MALRD1: variants seen among roughly 807,000 people sequenced by gnomAD.
The protein encoded by MALRD1 is MAM and LDL receptor class A domain containing 1, also known as MAM and LDL-receptor class A domain-containing protein 1.
Under a neutral mutation model 242.1 loss-of-function variants are expected in MALRD1, and 247 were observed. The observed-to-expected ratio is 1.02, with a 90% CI of 0.92 to 1.13. The LOEUF (loss-of-function observed/expected upper bound fraction) is 1.13, where lower values mean the gene tolerates loss of function less well. Ranked by LOEUF, MALRD1 falls within the 50% of genes most tolerant of loss-of-function variation. The pLI, the probability that MALRD1 is intolerant of heterozygous loss-of-function variation, is 0.00. For missense variants in MALRD1, 2,989 were observed against 2,533.1 expected, an observed-to-expected ratio of 1.18 and a Z score of -3.86; for synonymous variants, 995 against 866.6, an observed-to-expected ratio of 1.15 and a Z score of -2.60.
chr10:19,545,631 C>A (rs1049051116), intron 32 of MALRD1, among the ~76,000 whole-genome samples: 14 of 123,794 alleles, frequency 1.1e-4, no homozygotes. Context: ...TCTTTTTATT[C>A]CCTGGAATCC....
chr10:19,072,666 A>C (rs1294025186), intron 2 of MALRD1, among the ~76,000 whole-genome samples: 2 of 152,114 alleles, frequency 1.3e-5, no homozygotes, highest in South Asian at 4.1e-4. Flanking sequence ...TTATAATCTT[A>C]ATTTTAGTGC....
At chr10:19,518,791 G>A (rs1366864913) in intron 31 of MALRD1, among the ~76,000 whole-genome samples, 1 of 151,988 alleles carries the variant, frequency 6.6e-6, no homozygotes, top group Admixed American at 6.6e-5. Context: ...ACAAACTTTG[G>A]CTTACTACAT....
intron 2 of MALRD1, among the ~76,000 whole-genome samples, chr10:19,077,418 C>A (rs4604782): frequency 0.077 from 11,695 of 151,866 alleles, 777 homozygotes; most frequent in East Asian, 0.28. Flanking sequence ...ACACCCATTT[C>A]AGGCCAAGGC....
intron 33 of MALRD1, among the ~76,000 whole-genome samples, chr10:19,574,615 G>C (rs189362292): frequency 6.6e-6 from 1 of 152,184 alleles, no homozygotes; most frequent in Admixed American, 6.5e-5. Context: ...GGAGAGCTTG[G>C]TCTAAACTAT....
chr10:19,323,650 C>T (rs1012268098), intron 21 of MALRD1, among the ~76,000 whole-genome samples: 17 of 152,096 alleles, frequency 1.1e-4, no homozygotes, highest in African/African-American at 3.9e-4. Flanking sequence ...CTCTAGTTGC[C>T]CAGACGGGAG....
chr10:19,083,581 A>G (rs959591127), intron 2 of MALRD1, among the ~76,000 whole-genome samples: 1 of 151,976 alleles, frequency 6.6e-6, no homozygotes, highest in South Asian at 2.1e-4. Context: ...AGCTATTATT[A>G]TGTCAATTTC....
chr10:19,440,477 A>G (rs1185399267), intron 28 of MALRD1, among the ~76,000 whole-genome samples: 1 of 152,030 alleles, frequency 6.6e-6, no homozygotes, highest in African/African-American at 2.4e-5. Context: ...TATTTCTCCT[A>G]ATACTATCCC....
chr10:19,661,384 C>A (rs1452478828), intron 36 of MALRD1, among the ~76,000 whole-genome samples: 3 of 152,074 alleles, frequency 2.0e-5, no homozygotes, highest in African/African-American at 7.2e-5. Flanking sequence ...TGGAACCAAC[C>A]CAAATGTCCA....
chr10:19,365,050 A>G (rs1845049376), intron 26 of MALRD1, among the ~76,000 whole-genome samples: 2 of 152,156 alleles, frequency 1.3e-5, no homozygotes, highest in Admixed American at 6.6e-5. Flanking sequence ...TCTAAAAAGA[A>G]TGTCATTTAA....
chr10:19,697,191 A>C (rs1833419078), intron 38 of MALRD1, among the ~76,000 whole-genome samples: 1 of 152,114 alleles, frequency 6.6e-6, no homozygotes, highest in Non-Finnish European at 1.5e-5. Context: ...TGTCTCATGC[A>C]ATTGTGGGGA....
chr10:19,671,812 TG>T (rs778317728), intron 36 of MALRD1, among the ~76,000 whole-genome samples: 16 of 152,270 alleles, frequency 1.1e-4, no homozygotes, highest in Admixed American at 7.9e-4. Flanking sequence ...GCTCTGTAGA[TG>T]GGATGGGGCA....
intron 34 of MALRD1, chr10:19,598,558 AGAG>A (rs754796631): frequency 1.3e-5 from 2 of 152,032 alleles, no homozygotes; most frequent in Non-Finnish European, 2.9e-5. Flanking sequence ...AGGGAAAGTA[AGAG>A]GAGAAGAACA....
chr10:19,150,568 A>G (rs937600379), intron 11 of MALRD1, among the ~76,000 whole-genome samples: 2 of 152,156 alleles, frequency 1.3e-5, no homozygotes, highest in East Asian at 1.9e-4. Flanking sequence ...CCCTCTGCAC[A>G]GGCACCTGGA....
At chr10:19,692,862 T>A (rs1238708698) in intron 38 of MALRD1, among the ~76,000 whole-genome samples, 4 of 82,192 alleles carry the variant, frequency 4.9e-5, no homozygotes, top group Non-Finnish European at 9.3e-5. Flanking sequence ...TATATATAGA[T>A]GAAATTATAT....
intron 29 of MALRD1, among the ~76,000 whole-genome samples, chr10:19,465,946 G>C (rs1212058304): frequency 6.6e-6 from 1 of 152,000 alleles, no homozygotes; most frequent in Non-Finnish European, 1.5e-5. Flanking sequence ...GAAATAATTT[G>C]TCAATTTCTT....
At chr10:19,286,356 T>C (rs1841117881) in intron 21 of MALRD1, among the ~76,000 whole-genome samples, 1 of 148,998 alleles carries the variant, frequency 6.7e-6, no homozygotes, top group Admixed American at 6.8e-5. Flanking sequence ...ATGCTTCCAG[T>C]TTTTGCCCAT....
chr10:19,533,379 A>G (rs1330898000), intron 32 of MALRD1, among the ~76,000 whole-genome samples: 2 of 152,206 alleles, frequency 1.3e-5, no homozygotes, highest in African/African-American at 4.8e-5. Flanking sequence ...GTCTACTAGA[A>G]AGAATGGTGG....
intron 38 of MALRD1, among the ~76,000 whole-genome samples, chr10:19,730,026 C>A (rs1286933810): frequency 6.6e-6 from 1 of 152,122 alleles, no homozygotes; most frequent in Non-Finnish European, 1.5e-5. Flanking sequence ...CGTGAGCCAC[C>A]ACGCCCGGCC....
intron 19 of MALRD1, among the ~76,000 whole-genome samples, chr10:19,264,224 T>G (rs1383638986): frequency 6.6e-6 from 1 of 152,188 alleles, no homozygotes; most frequent in Non-Finnish European, 1.5e-5. Context: ...GTTAATGTTA[T>G]GTATCACATT....
Sources: allele counts gnomAD v4.1 joint callset (sites outside exome capture counted in the v4.1 genomes callset), GRCh38; gene constraint gnomAD v4.1.1; transcripts MANE v1.5; gene names NCBI Gene and HGNC (gene_info 2026-07-23, HGNC 2026-07-21).